SP6: variants seen among roughly 807,000 people sequenced by gnomAD.
The protein encoded by SP6 is transcription factor Sp6.
In SP6, 10 loss-of-function variants were observed where a neutral mutation model predicts 23.4. The observed-to-expected ratio is 0.43, with a 90% confidence interval of 0.26 to 0.72. The LOEUF (loss-of-function observed/expected upper bound fraction) is 0.72, where lower values mean the gene tolerates loss of function less well. Among genes scored for constraint, SP6 ranks in the 30% least tolerant of loss-of-function variants. The probability of loss-of-function intolerance (pLI) is 0.23; values close to 1 mark genes in which losing one functional copy is unlikely to be tolerated. For synonymous variants in SP6, 238 were observed against 238.7 expected (o/e 1.00, Z 0.03); for missense variants, 482 against 523.8 (o/e 0.92, Z 0.78).
chr17:47,864,299 C>T, the SP6 span, among the ~76,000 whole-genome samples: 1 of 151,666 alleles, frequency 6.6e-6, no homozygotes, highest in Non-Finnish European at 1.5e-5. Flanking sequence ...AGATTTTACT[C>T]TATTTCCCAG....
chr17:47,860,050 C>T (rs2034024731), upstream of SP6, among the ~76,000 whole-genome samples: 1 of 151,440 alleles, frequency 6.6e-6, no homozygotes, highest in African/African-American at 2.4e-5. Flanking sequence ...CCATTACCTA[C>T]AGGAGAAAAT....
the SP6 span, among the ~76,000 whole-genome samples, chr17:47,872,946 T>C: frequency 2.0e-5 from 3 of 152,094 alleles, no homozygotes; most frequent in African/African-American, 7.2e-5. Flanking sequence ...CGGAAGGGGC[T>C]TTTTGGGTCC....
the SP6 span, among the ~76,000 whole-genome samples, chr17:47,874,062 C>CTCCCTCCTCCT: frequency 6.7e-6 from 1 of 149,480 alleles, no homozygotes; most frequent in Non-Finnish European, 1.5e-5. Context: ...CTTCTCCTTC[C>CTCCCTCCTCCT]TCCCTCCTCC....
rs868452337 is a variant in SP6, at chr17:47,847,942, G to A, written c.488C>T (p.Ala163Val). The A allele has an allele frequency of 1.9e-6, 3 of 1,568,748 alleles. No individual in the cohort carries two copies. The highest frequency in any genetic ancestry group is 2.4e-5 in the East Asian group (1 of 42,542). The part of the protein sequence containing the change: ...GGYVGDHQLC[A>V]PPPHPHAHHL... The stretch of plus-strand genomic sequence containing the variant: ...GTGCGCATGCGGGTGGGGTGGCGGG[G>A]CACAAAGCTGGTGGTCTCCGACGTA... The change falls in exon 2 of 2, where the codon GCC (alanine) becomes GTC (valine). Residue 163 changes from alanine to valine, a missense_variant. This residue lies in a region of SP6 where 330 missense variants were observed against 332.3 expected (regional missense o/e 0.99). Transcript: ENST00000536300.
the SP6 span, among the ~76,000 whole-genome samples, chr17:47,873,154 C>T: frequency 2.0e-5 from 3 of 152,104 alleles, no homozygotes; most frequent in African/African-American, 7.2e-5. Flanking sequence ...CTTTTATCTC[C>T]CCTTCAAAAA....
At chr17:47,874,750 G>A in the SP6 span, among the ~76,000 whole-genome samples, 1 of 152,108 alleles carries the variant, frequency 6.6e-6, no homozygotes, top group East Asian at 1.9e-4. Flanking sequence ...ACCCAGGATG[G>A]AGACAGAGAC....
At chr17:47,866,069 C>T in the SP6 span, among the ~76,000 whole-genome samples, 14 of 152,122 alleles carry the variant, frequency 9.2e-5, no homozygotes, top group Non-Finnish European at 1.8e-4. Context: ...TGATAATTGC[C>T]CTCCTCCTCT....
chr17:47,857,502 G>T (rs748161799), upstream of SP6, among the ~76,000 whole-genome samples: 69 of 152,150 alleles, frequency 4.5e-4, no homozygotes, highest in Non-Finnish European at 1.3e-4. Context: ...CTTGGGGTTG[G>T]GGGGGAGTTT....
chr17:47,856,508 G>A (rs559040520), upstream of SP6, among the ~76,000 whole-genome samples: 44 of 152,288 alleles, frequency 2.9e-4, no homozygotes, highest in Non-Finnish European at 1.3e-4. Flanking sequence ...CTGGAAAAGG[G>A]AGAAGGGGCC....
In SP6 at chr17:47,848,055, C is replaced by G; in HGVS notation, c.375G>C (p.Pro125=). The change falls in exon 2 of 2, where the codon CCG becomes CCC. Residue 125 remains proline, a synonymous_variant. Coordinates refer to ENST00000536300, the MANE Select transcript of SP6 (RefSeq NM_001258248.2). This position sits in a 1 kb window ranked among gnomAD's most constrained non-coding sequence, Gnocchi z 5.3. ...GGGGGAGGTCCATCCAGCTGGTGCCCGGATGAAGGTCCCACCACGAGCCAT... is the reference window on the plus strand; with the variant it reads ...GGGGGAGGTCCATCCAGCTGGTGCCGGGATGAAGGTCCCACCACGAGCCAT... ...AEDGSWWDLH[P]GTSWMDLPHT... 1 of 1,612,882 alleles carries G rather than the reference C, an allele frequency of 6.2e-7. No individual in the cohort carries two copies. Among genetic ancestry groups the G allele is most frequent in the Non-Finnish European group, 8.5e-7 (1 of 1,179,792 alleles).
At chr17:47,868,816 G>A in the SP6 span, among the ~76,000 whole-genome samples, 53 of 152,278 alleles carry the variant, frequency 3.5e-4, no homozygotes, top group Non-Finnish European at 1.5e-4. Context: ...GCTTGGGAGC[G>A]GGATGGGGGA....
At position 47,847,742 on chromosome 17, in the gene SP6, A is replaced by G. The variant is rs1470472036; in HGVS notation, c.688T>C (p.Cys230Arg). The change falls in exon 2 of 2, where the codon TGC (cysteine) becomes CGC (arginine). Residue 230 changes from cysteine (C) to arginine (R), a missense_variant. Physicochemically the swap from Cys to Arg is radical, Grantham distance 180. Around this residue, in one of 3 missense-constraint regions of SP6, gnomAD observed 330 missense variants for 332.3 expected, o/e 0.99. Transcript: ENST00000536300. Reference sequence around the variant, plus strand: ...CGCTCCGCCTCCAGACAGTTGGGGCAGCGACAGACGGTCTGGCCTGAGCTG... The same window carrying G: ...CGCTCCGCCTCCAGACAGTTGGGGCGGCGACAGACGGTCTGGCCTGAGCTG... Reference protein sequence around the residue: ...PRSSGQTVCRCPNCLEAERLG... With the variant: ...PRSSGQTVCRRPNCLEAERLG... 6.3e-7 allele frequency: 1 copy of G among 1,587,344 alleles called. No individual in the cohort carries two copies. Among genetic ancestry groups the G allele is most frequent in the Non-Finnish European group, 8.6e-7 (1 of 1,165,678 alleles).
the SP6 span, among the ~76,000 whole-genome samples, chr17:47,863,778 G>A: frequency 5.3e-5 from 7 of 132,178 alleles, no homozygotes; most frequent in African/African-American, 8.9e-5. Flanking sequence ...TCGCTCTGTC[G>A]CCCAGGCTGG....
Position 47,848,378 on chromosome 17 carries a change from G to A in SP6, c.52C>T (p.His18Tyr), listed in dbSNP as rs1440657117. The change falls in exon 2 of 2, where the codon CAC (histidine) becomes TAC (tyrosine). Residue 18 changes from histidine to tyrosine, a missense_variant. His to Tyr is a moderately conservative substitution (Grantham distance 83). Around this residue, in one of 3 missense-constraint regions of SP6, gnomAD observed 330 missense variants for 332.3 expected, o/e 0.99. Transcript: ENST00000536300. The surrounding 1 kb of genome is among the most constrained non-coding windows in gnomAD (Gnocchi z 5.3). ...SLGSQHTEAP[H>Y]ASPPRLDLQP... is the part of the protein sequence containing the mutation. The stretch of plus-strand genomic sequence containing the variant: ...AGGTCGAGGCGCGGCGGGGAGGCGT[G>A]CGGCGCTTCCGTGTGCTGGCTGCCC... 12 of 1,565,792 alleles carry A rather than the reference G, an allele frequency of 7.7e-6. No individual in the cohort carries two copies. Among genetic ancestry groups the A allele is most frequent in the African/African-American group, 1.4e-5 (1 of 73,608 alleles).
chr17:47,876,264 C>T, the SP6 span, among the ~76,000 whole-genome samples: 1 of 152,342 alleles, frequency 6.6e-6, no homozygotes, highest in East Asian at 1.9e-4. Context: ...TGAACACTTA[C>T]TATGTCCTGG....
the SP6 span, among the ~76,000 whole-genome samples, chr17:47,868,308 G>C: frequency 1.3e-5 from 2 of 152,342 alleles, no homozygotes; most frequent in Admixed American, 1.3e-4. Flanking sequence ...GGACCAACAT[G>C]GTGCCTCCTG....
chr17:47,847,347 C>A lies in SP6; in HGVS notation c.1083G>T (p.Gly361=). ...CCTCGGCCTCGCGTTTGCCTTTGCC[C>A]CCGGGGGGCTCCACTGCGCCGCCGG... ...GKAGGAVEPP[G]GKGKREAEGS... The change falls in exon 2 of 2, where the codon GGG becomes GGT. Residue 361 remains glycine (G), a synonymous_variant. Transcript: ENST00000536300. 6.3e-7 allele frequency: 1 copy of A among 1,599,290 alleles called. No homozygotes were observed.
In SP6 at chr17:47,848,688, C is replaced by G. The variant is rs549228464; in HGVS notation, c.-57-202G>C. Among the ~76,000 whole-genome samples, 142 of 152,244 alleles carry G rather than the reference C, an allele frequency of 9.3e-4. No individual in the cohort carries two copies. Among genetic ancestry groups the G allele is most frequent in the Non-Finnish European group, 1.6e-3 (111 of 68,002 alleles). On this transcript the variant is annotated intron_variant, in intron 1 of 1. Coordinates refer to ENST00000536300, the MANE Select transcript of SP6 (RefSeq NM_001258248.2). The surrounding 1 kb of genome is among the most constrained non-coding windows in gnomAD (Gnocchi z 5.3). ...TCCAAGCACAGAGGATGATGGAGGTCTACCTTCCTCTGGGTGATCCCTGCC... is the reference window on the plus strand; with the variant it reads ...TCCAAGCACAGAGGATGATGGAGGTGTACCTTCCTCTGGGTGATCCCTGCC...
In SP6 at chr17:47,844,987, A is replaced by C. The variant is rs1287084230; in HGVS notation, c.*2312T>G. On this transcript the variant is annotated 3_prime_UTR_variant, in exon 2 of 2. Coordinates refer to ENST00000536300, the MANE Select transcript of SP6 (RefSeq NM_001258248.2). The stretch of plus-strand genomic sequence containing the variant: ...TCCTACCCCCTCAAAGTGAGTTCAC[A>C]GCAGTTAAAGAAAAAATAAATTCCT... 1 of 152,654 alleles carries C rather than the reference A, an allele frequency of 6.6e-6. No homozygotes were observed. The highest frequency in any genetic ancestry group is 1.5e-5 in the Non-Finnish European group (1 of 68,042). The allele number at this position is 152,654 out of a possible 1,614,324, so 9.5% of individuals were successfully genotyped here.
Sources: gnomAD v4.1 joint callset for allele counts (sites outside exome capture counted in the v4.1 genomes callset) on GRCh38, gnomAD v4.1.1 for gene constraint, gnomAD v4.1.1 regional missense constraint, Gnocchi (gnomAD v3.1) non-coding constraint, MANE v1.5 for transcripts, NCBI Gene and HGNC (gene_info 2026-07-23, HGNC 2026-07-21) for gene names.